NRG1: variants seen among roughly 807,000 people sequenced by gnomAD.
The protein encoded by NRG1 is pro-neuregulin-1, membrane-bound isoform.
NRG1 carries 18 observed loss-of-function variants against 63.8 expected under a neutral mutation model. The observed-to-expected ratio is 0.28, with a 90% confidence interval of 0.19 to 0.42. The LOEUF (loss-of-function observed/expected upper bound fraction) is 0.42, where lower values mean the gene tolerates loss of function less well. Ranked by LOEUF, NRG1 falls within the 10% of genes least tolerant of loss-of-function variation. The probability of loss-of-function intolerance (pLI) is 1.00; values close to 1 mark genes in which losing one functional copy is unlikely to be tolerated. For missense variants in NRG1, 762 were observed against 814.7 expected, an observed-to-expected ratio of 0.94 and a Z score of 0.79; for synonymous variants, 302 against 301.3, an observed-to-expected ratio of 1.00 and a Z score of -0.02.
At chr8:31,863,576 A>G (rs1828672288) in intron 1 of NRG1, among the ~76,000 whole-genome samples, 1 of 152,222 alleles carries the variant, frequency 6.6e-6, no homozygotes, top group African/African-American at 2.4e-5. Context: ...AATGGCAACT[A>G]AAAACACCCA....
chr8:32,038,718 G>A (rs931232024), intron 1 of NRG1, among the ~76,000 whole-genome samples: 2 of 152,040 alleles, frequency 1.3e-5, no homozygotes, highest in Non-Finnish European at 2.9e-5. Context: ...AGCACGTATT[G>A]CTGTTACTAA....
chr8:32,720,454 CTAAGTA>C (rs1400324285), intron 5 of NRG1, among the ~76,000 whole-genome samples: 3 of 151,954 alleles, frequency 2.0e-5, no homozygotes, highest in African/African-American at 7.3e-5. Flanking sequence ...CCTTTAGAAT[CTAAGTA>C]TTGATGGAAA....
chr8:32,230,120 G>T (rs1846764547), intron 1 of NRG1, among the ~76,000 whole-genome samples: 1 of 152,064 alleles, frequency 6.6e-6, no homozygotes, highest in Non-Finnish European at 1.5e-5. Context: ...TAGCTTAGTG[G>T]GTATTTGCTA....
downstream of NRG1, among the ~76,000 whole-genome samples, chr8:32,771,715 A>AAAAAAAATATATAT (rs1343943621): frequency 6.3e-5 from 7 of 111,848 alleles, 1 homozygote; most frequent in Non-Finnish European, 9.0e-5. Flanking sequence ...TTAAAAAAAA[A>AAAAAAAATATATAT]ATATATATAT....
chr8:32,412,836 T>C (rs1354443088), intron 1 of NRG1, among the ~76,000 whole-genome samples: 1 of 152,144 alleles, frequency 6.6e-6, no homozygotes, highest in East Asian at 1.9e-4. Flanking sequence ...ATGTGGTGTG[T>C]CAGTAACCAA....
chr8:32,167,728 T>C (rs1839547746), intron 1 of NRG1, among the ~76,000 whole-genome samples: 1 of 152,194 alleles, frequency 6.6e-6, no homozygotes, highest in South Asian at 2.1e-4. Context: ...CAGCAGCACA[T>C]GATGGGAAAA....
intron 2 of NRG1, among the ~76,000 whole-genome samples, chr8:32,602,224 C>T (rs1588618963): frequency 2.0e-5 from 3 of 152,092 alleles, no homozygotes; most frequent in East Asian, 3.9e-4. Flanking sequence ...TTTTTTAATG[C>T]AACATTTATT....
At chr8:31,894,244 T>C (rs1831378698) in intron 1 of NRG1, among the ~76,000 whole-genome samples, 1 of 152,202 alleles carries the variant, frequency 6.6e-6, no homozygotes, top group Non-Finnish European at 1.5e-5. Flanking sequence ...TCCTTCTGAA[T>C]ATAACCAACA....
At chr8:31,739,610 G>A (rs1051617172) in intron 1 of NRG1, among the ~76,000 whole-genome samples, 1 of 151,998 alleles carries the variant, frequency 6.6e-6, no homozygotes, top group African/African-American at 2.4e-5. Context: ...GTACAAGGAA[G>A]GCATTTTATG....
intron 1 of NRG1, among the ~76,000 whole-genome samples, chr8:32,077,373 C>A (rs879112548): frequency 6.6e-6 from 1 of 151,908 alleles, no homozygotes; most frequent in African/African-American, 2.4e-5. Flanking sequence ...TCCCCTCCCC[C>A]CCAAAAAATT....
intron 1 of NRG1, among the ~76,000 whole-genome samples, chr8:32,452,845 CT>C (rs1413949468): frequency 6.6e-6 from 1 of 152,006 alleles, no homozygotes; most frequent in Non-Finnish European, 1.5e-5. Flanking sequence ...ATTTAAATAC[CT>C]TTTAGCTATC....
intron 1 of NRG1, among the ~76,000 whole-genome samples, chr8:31,988,876 G>C (rs1235571719): frequency 6.6e-6 from 1 of 151,956 alleles, no homozygotes; most frequent in Non-Finnish European, 1.5e-5. Flanking sequence ...GCAAATTCCG[G>C]AATTCTTTTC....
intron 5 of NRG1, among the ~76,000 whole-genome samples, chr8:32,628,035 T>C (rs1849600296): frequency 6.6e-6 from 1 of 152,246 alleles, no homozygotes; most frequent in Non-Finnish European, 1.5e-5. Flanking sequence ...TAAAAATCCA[T>C]TTCTTTCACA....
intron 1 of NRG1, among the ~76,000 whole-genome samples, chr8:32,362,346 A>G (rs2129481619): frequency 6.6e-6 from 1 of 152,324 alleles, no homozygotes; most frequent in Non-Finnish European, 1.5e-5. Flanking sequence ...TACTTATTTA[A>G]CTGCAGAGAT....
chr8:32,453,749 G>A (rs1203828904), intron 1 of NRG1, among the ~76,000 whole-genome samples: 1 of 152,068 alleles, frequency 6.6e-6, no homozygotes. Flanking sequence ...AAATAACACC[G>A]ACCTAAAACA....
chr8:32,093,564 C>T (rs755499569), intron 1 of NRG1, among the ~76,000 whole-genome samples: 2 of 152,144 alleles, frequency 1.3e-5, no homozygotes, highest in African/African-American at 2.4e-5. Flanking sequence ...TATATAGGAA[C>T]CGACAGACTG....
At chr8:31,771,920 G>A (rs1292924172) in intron 1 of NRG1, among the ~76,000 whole-genome samples, 1 of 152,160 alleles carries the variant, frequency 6.6e-6, no homozygotes, top group African/African-American at 2.4e-5. Flanking sequence ...TACTGATTCA[G>A]GTACCAGTAT....
At chr8:32,503,939 G>T (rs1828206603) in intron 1 of NRG1, among the ~76,000 whole-genome samples, 1 of 152,106 alleles carries the variant, frequency 6.6e-6, no homozygotes, top group Non-Finnish European at 1.5e-5. Flanking sequence ...CTTTCCTTGG[G>T]GTGGGCTGTC....
intron 1 of NRG1, among the ~76,000 whole-genome samples, chr8:31,747,755 C>A (rs575472776): frequency 1.3e-5 from 2 of 152,012 alleles, no homozygotes; most frequent in African/African-American, 4.8e-5. Flanking sequence ...GAATACCTGG[C>A]TGTTTTGTTT....
Sources: gnomAD v4.1 joint callset for allele counts (sites outside exome capture counted in the v4.1 genomes callset) on GRCh38, gnomAD v4.1.1 for gene constraint, MANE v1.5 for transcripts, NCBI Gene and HGNC (gene_info 2026-07-23, HGNC 2026-07-21) for gene names.